Variants in ZNF233 observed in about 807,000 individuals in gnomAD.
ZNF233 encodes zinc finger protein 233.
A neutral mutation model predicts 11.6 loss-of-function variants in ZNF233; 7 were observed. That is an observed-to-expected ratio of 0.60 (90% CI 0.34 to 1.13). The LOEUF is 1.13. Among genes scored for constraint, ZNF233 ranks in the 50% most tolerant of loss-of-function variants. The pLI is 0.03. For synonymous variants in ZNF233, 226 were observed against 268.5 expected (o/e 0.84, Z 1.55); for missense variants, 711 against 785.5 (o/e 0.91, Z 1.13).
At chr19:44,271,205 G>A (rs939649376) in intron 4 of ZNF233, among the ~76,000 whole-genome samples, 1 of 152,152 alleles carries the variant, frequency 6.6e-6, no homozygotes, top group Non-Finnish European at 1.5e-5. Context: ...CTCATCAAAT[G>A]TATGTTTAAG....
intron 4 of ZNF233, among the ~76,000 whole-genome samples, chr19:44,269,405 C>T (rs564300222): frequency 8.7e-4 from 132 of 152,106 alleles, no homozygotes; most frequent in African/African-American, 2.8e-3. Flanking sequence ...AAGCGATTCT[C>T]CTGCCTCAGC....
At chr19:44,269,174 T>C (rs1975173143) in intron 4 of ZNF233, among the ~76,000 whole-genome samples, 1 of 152,180 alleles carries the variant, frequency 6.6e-6, no homozygotes. Context: ...CTCATTTTTG[T>C]GTATAAACCT....
At chr19:44,271,621 T>C (rs563916147) in intron 4 of ZNF233, among the ~76,000 whole-genome samples, 1 of 152,086 alleles carries the variant, frequency 6.6e-6, no homozygotes, top group African/African-American at 2.4e-5. Context: ...ACCATTCTCC[T>C]GCCTTGGCCT....
intron 2 of ZNF233, 87 bp from the exon 3 acceptor site, chr19:44,266,111 T>G: frequency 7.1e-7 from 1 of 1,405,674 alleles, no homozygotes; most frequent in Non-Finnish European, 9.4e-7. Context: ...AACGTCTTCC[T>G]GCCTGTTCTT....
In ZNF233 at chr19:44,272,372, G is replaced by A. The variant is rs1975260017; in HGVS notation, c.239-527G>A. Among the ~76,000 whole-genome samples, 6 of 146,210 alleles carry A rather than the reference G, an allele frequency of 4.1e-5. No homozygotes were observed. In the Admixed American group the frequency reaches 4.1e-4, roughly 10 times the overall value. ...AAAAAAAAAAAAAAGTCTTGGTATA[G>A]CTCTAAATGAGTCTCATTAACATTT... On this transcript the variant is annotated intron_variant, in intron 4 of 4. Coordinates refer to ENST00000683810, the MANE Select transcript of ZNF233 (RefSeq NM_001207005.2).
At chr19:44,271,709 AC>A (rs1469250547) in intron 4 of ZNF233, among the ~76,000 whole-genome samples, 1 of 151,324 alleles carries the variant, frequency 6.6e-6, no homozygotes, top group Non-Finnish European at 1.5e-5. Context: ...ACGGGGTTTC[AC>A]CATGTTAGCC....
Position 44,273,660 on chromosome 19 carries a change from A to G in ZNF233, c.1000A>G (p.Arg334Gly), listed in dbSNP as rs200879069. 1 of 1,614,126 alleles carries G rather than the reference A, an allele frequency of 6.2e-7. No individual in the cohort carries two copies. Among genetic ancestry groups the G allele is most frequent in the African/African-American group, 1.3e-5 (1 of 75,052 alleles). ...GGGCTCACATCTGCAACCTCATCAG[A>G]GAGTCAGCACAGGAGAGAACCTCTA... ...SQGSHLQPHQ[R>G]VSTGENLYRC... The change falls in exon 5 of 5, where the codon AGA becomes GGA. Residue 334 changes from arginine (R) to glycine (G), a missense_variant. By Grantham distance (125) the Arg-to-Gly change is moderately radical (BLOSUM62 -2). Transcript: ENST00000683810.
Position 44,274,177 on chromosome 19 carries a change from A to C in ZNF233, c.1517A>C (p.Lys506Thr). ...QAHQRVHTGE[K>T]PYKCDTCGKD... ...CATCAGAGAGTCCATACAGGAGAGA[A>C]ACCCTACAAATGTGACACATGTGGG... The change falls in exon 5 of 5, where the codon AAA becomes ACA. Residue 506 changes from lysine to threonine, a missense_variant. By Grantham distance (78) the Lys-to-Thr change is moderately conservative. Coordinates refer to ENST00000683810, the MANE Select transcript of ZNF233 (RefSeq NM_001207005.2). The C allele has an allele frequency of 6.2e-7, 1 of 1,614,074 alleles. No individual in the cohort carries two copies. Among genetic ancestry groups the C allele is most frequent in the South Asian group, 1.1e-5 (1 of 91,072 alleles).
intron 1 of ZNF233, among the ~76,000 whole-genome samples, chr19:44,260,739 AAC>A (rs1464599076): frequency 6.6e-6 from 1 of 152,192 alleles, no homozygotes; most frequent in Non-Finnish European, 1.5e-5. Flanking sequence ...ACATTGTCCC[AAC>A]GTGAGAGGAC....
At position 44,266,326 on chromosome 19, in the gene ZNF233, T is replaced by G; in HGVS notation, c.142+2T>G. On this transcript the variant is annotated splice_donor_variant, in intron 3 of 4. Coordinates refer to ENST00000683810, the MANE Select transcript of ZNF233 (RefSeq NM_001207005.2). LOFTEE classifies it high-confidence loss of function. The stretch of plus-strand genomic sequence containing the variant: ...ACTTCAGGAACCTGCTGTCAGTGGG[T>G]GAGCACAGGCACCTTCTGTAACTGA... 1 of 1,598,872 alleles carries G rather than the reference T, an allele frequency of 6.3e-7. No homozygotes were observed. The highest frequency in any genetic ancestry group is 1.3e-5 in the African/African-American group (1 of 74,672).
At position 44,261,038 on chromosome 19, in the gene ZNF233, T is replaced by C. The variant is rs921124199; in HGVS notation, c.-48+1100T>C. Among the ~76,000 whole-genome samples the C allele has an allele frequency of 2.0e-5, 3 of 152,294 alleles. 1 individual carries two copies. The South Asian group carries it at 6.2e-4, about 32-fold the overall frequency. On this transcript the variant is annotated intron_variant, in intron 1 of 4. Coordinates refer to ENST00000683810, the MANE Select transcript of ZNF233 (RefSeq NM_001207005.2). ...AACACTGATGGGTAAAACATTTATC[T>C]TCCCAAAGTAAAACAACAGGAAAGA... is the stretch of plus-strand genomic sequence containing the variant.
intron 4 of ZNF233, among the ~76,000 whole-genome samples, chr19:44,269,003 G>A (rs1011554426): frequency 1.3e-5 from 2 of 152,308 alleles, no homozygotes; most frequent in South Asian, 2.1e-4. Context: ...GATTTTGTAA[G>A]TAGCTGGAGT....
chr19:44,264,790 TTTTATATG>T (rs1413462608), intron 2 of ZNF233, among the ~76,000 whole-genome samples: 5 of 152,204 alleles, frequency 3.3e-5, no homozygotes, highest in Non-Finnish European at 7.4e-5. Flanking sequence ...GTTACTAGAG[TTTTATATG>T]ATTTAGTGTT....
At position 44,273,561 on chromosome 19, in the gene ZNF233, CT is replaced by C; in HGVS notation, c.903del (p.Arg303GlyfsTer7). ...YGKGIGYSSG[L>X]PRHQCFHIGE... ...GAAGGGCATAGGTTACAGCTCAGGG[CT>C]TCCCAGGCATCAGTGTTTCCACATA... On this transcript the variant is annotated frameshift_variant, in exon 5 of 5. Transcript: ENST00000683810. LOFTEE classifies it low-confidence loss of function (END_TRUNC). 6.2e-7 allele frequency: 1 copy of C among 1,614,208 alleles called. No individual in the cohort carries two copies. Among genetic ancestry groups the C allele is most frequent in the Non-Finnish European group, 8.5e-7 (1 of 1,180,036 alleles).
chr19:44,264,372 T>C lies in ZNF233; in HGVS notation c.12T>C (p.Phe4=). MTK[F]QEMVTFKDVA... is the part of the protein sequence containing the mutation. ...AGGAGCAGGAGAAAATGACCAAGTT[T>C]CAGGTGAGTTGAGTTTTGATTTTTA... Residue 4 remains phenylalanine, a synonymous_variant, in exon 2 of 5, where the codon TTT becomes TTC. Transcript: ENST00000683810. The C allele has an allele frequency of 1.2e-6, 2 of 1,613,188 alleles. No homozygotes were observed. Among genetic ancestry groups the C allele is most frequent in the Admixed American group, 3.3e-5 (2 of 59,764 alleles).
In ZNF233 at chr19:44,273,662, A is replaced by G; in HGVS notation, c.1002A>G (p.Arg334=). Residue 334 remains arginine (R), a synonymous_variant, in exon 5 of 5, where the codon AGA becomes AGG. Coordinates refer to ENST00000683810, the MANE Select transcript of ZNF233 (RefSeq NM_001207005.2). ...GCTCACATCTGCAACCTCATCAGAG[A>G]GTCAGCACAGGAGAGAACCTCTACA... ...SQGSHLQPHQ[R]VSTGENLYRC... The G allele has an allele frequency of 6.2e-7, 1 of 1,614,094 alleles. No individual in the cohort carries two copies. Among genetic ancestry groups the G allele is most frequent in the Middle Eastern group, 1.6e-4 (1 of 6,062 alleles).
At chr19:44,266,092 A>G (rs567845458) in intron 2 of ZNF233, 106 bp from the exon 3 acceptor site, 329 of 1,287,134 alleles carry the variant, frequency 2.6e-4, no homozygotes, top group South Asian at 1.4e-3. Flanking sequence ...CGAGGCCCTC[A>G]CAATCCAGAA....
rs1238139005 is a variant in ZNF233, at chr19:44,266,953, G to C, written c.230G>C (p.Gly77Ala). ...RMMETEIQGD[G>A]CSGHKNQNEI... ...ATGGAGACAGAAATCCAAGGAGATG[G>C]GTGTTCAGGTGAGAACCATGGAGCT... The change falls in exon 4 of 5, where the codon GGG becomes GCG. Residue 77 changes from glycine (G) to alanine (A), a missense_variant. Transcript: ENST00000683810. 1.9e-6 allele frequency: 3 copies of C among 1,613,094 alleles called. No individual in the cohort carries two copies. The highest frequency in any genetic ancestry group is 1.1e-5 in the South Asian group (1 of 91,006).
chr19:44,261,951 C>T (rs543399948), intron 1 of ZNF233, among the ~76,000 whole-genome samples: 1 of 152,182 alleles, frequency 6.6e-6, no homozygotes, highest in African/African-American at 2.4e-5. Flanking sequence ...TGCGCCTGGC[C>T]TAATGATTTC....
Sources: allele counts gnomAD v4.1 joint callset (sites outside exome capture counted in the v4.1 genomes callset), GRCh38; gene constraint gnomAD v4.1.1; transcripts MANE v1.5; gene names NCBI Gene and HGNC (gene_info 2026-07-23, HGNC 2026-07-21).